The following TACR1 variants were observed in gnomAD, a reference collection of about 807,000 sequenced individuals.
TACR1 encodes substance-P receptor.
Under a neutral mutation model 35.8 loss-of-function variants are expected in TACR1, and 25 were observed. The ratio of observed to expected loss-of-function variants is 0.70; its 90% CI spans 0.51 to 0.98. The LOEUF (loss-of-function observed/expected upper bound fraction) is 0.98, where lower values mean the gene tolerates loss of function less well. TACR1 is among the 50% of genes least tolerant of loss of function. The probability of loss-of-function intolerance (pLI) is 0.00; values close to 1 mark genes in which losing one functional copy is unlikely to be tolerated. For synonymous variants in TACR1, 195 were observed against 206.7 expected (o/e 0.94, Z 0.48); for missense variants, 478 against 522.9 (o/e 0.91, Z 0.84).
At chr2:75,112,014 G>C (rs546349095) in intron 2 of TACR1, among the ~76,000 whole-genome samples, 183 of 152,128 alleles carry the variant, frequency 1.2e-3, no homozygotes, top group African/African-American at 4.2e-3. Flanking sequence ...TATCCAAGTT[G>C]TGGGCAGCGG....
intron 2 of TACR1, among the ~76,000 whole-genome samples, chr2:75,082,249 C>G (rs1673102603): frequency 6.6e-6 from 1 of 152,134 alleles, no homozygotes; most frequent in Non-Finnish European, 1.5e-5. Flanking sequence ...AGGACATGAA[C>G]TCATCCTTTT....
intron 2 of TACR1, among the ~76,000 whole-genome samples, chr2:75,095,860 T>A (rs1418636820): frequency 2.0e-5 from 3 of 152,088 alleles, no homozygotes; most frequent in Non-Finnish European, 4.4e-5. Flanking sequence ...GTGGTACAGC[T>A]ACAAGATGGC....
At chr2:75,111,073 A>G (rs1484281780) in intron 2 of TACR1, among the ~76,000 whole-genome samples, 1 of 151,946 alleles carries the variant, frequency 6.6e-6, no homozygotes, top group Non-Finnish European at 1.5e-5. Flanking sequence ...TCTTATTGAT[A>G]AGTTGCAGTC....
intron 2 of TACR1, among the ~76,000 whole-genome samples, chr2:75,067,366 G>A (rs1038711094): frequency 3.3e-5 from 5 of 152,090 alleles, no homozygotes; most frequent in South Asian, 4.1e-4. Context: ...AGTTATGGGC[G>A]AGGAACATGG....
intron 1 of TACR1, among the ~76,000 whole-genome samples, chr2:75,157,318 C>T (rs1009861223): frequency 6.6e-6 from 1 of 152,186 alleles, no homozygotes; most frequent in African/African-American, 2.4e-5. Flanking sequence ...TCCTCACCCA[C>T]CTATGGAAGC....
intron 2 of TACR1, among the ~76,000 whole-genome samples, chr2:75,099,338 T>TA (rs1673487656): frequency 1.3e-5 from 2 of 152,184 alleles, no homozygotes; most frequent in East Asian, 3.9e-4. Context: ...ATCCTGTCCA[T>TA]AAATACCATG....
chr2:75,183,167 C>T (rs1675598917), intron 1 of TACR1, among the ~76,000 whole-genome samples: 1 of 152,060 alleles, frequency 6.6e-6, no homozygotes, highest in African/African-American at 2.4e-5. Flanking sequence ...GAAAATGTGC[C>T]AAACTTGACT....
At chr2:75,113,578 G>A (rs1299453800) in intron 2 of TACR1, among the ~76,000 whole-genome samples, 1 of 61,148 alleles carries the variant, frequency 1.6e-5, no homozygotes, top group Non-Finnish European at 3.0e-5. Context: ...TCTGATTTCT[G>A]TCTGGGAGTC....
At chr2:75,053,464 A>G in intron 3 of TACR1, 141 bp downstream of exon 3, 47 of 1,062,508 alleles carry the variant, frequency 4.4e-5, no homozygotes, top group Non-Finnish European at 5.3e-5. Flanking sequence ...CTGAAGAAAG[A>G]TTCCTCTCCT....
Position 75,060,498 on chromosome 2 carries a change from G to C in TACR1, c.585-6743C>G, listed in dbSNP as rs1672649669. On this transcript the variant is annotated intron_variant, in intron 2 of 4. Transcript: ENST00000305249. ...GCAAGTGCAAAGGCATGGGGGAGGA[G>C]CCTGGCATGAGGCAGGTACTAAGAT... is the stretch of plus-strand genomic sequence containing the variant. Among the ~76,000 whole-genome samples the C allele has an allele frequency of 2.0e-5, 3 of 152,134 alleles. No homozygotes were observed. The South Asian group carries it at 6.2e-4, about 32-fold the overall frequency.
chr2:75,186,156 G>A (rs1452016353), intron 1 of TACR1, among the ~76,000 whole-genome samples: 3 of 151,620 alleles, frequency 2.0e-5, no homozygotes, highest in Non-Finnish European at 4.4e-5. Context: ...GGCGGATCAC[G>A]AGGTCAAGAG....
intron 2 of TACR1, among the ~76,000 whole-genome samples, chr2:75,108,738 T>G (rs1263697009): frequency 6.6e-6 from 1 of 152,142 alleles, no homozygotes; most frequent in Non-Finnish European, 1.5e-5. Flanking sequence ...AAAAAACAGC[T>G]TAATCATTAT....
At chr2:75,137,728 C>CAAAAAAAAAAAAAAAAAAAAAAAAA (rs11326632) in intron 1 of TACR1, among the ~76,000 whole-genome samples, 3 of 47,516 alleles carry the variant, frequency 6.3e-5, no homozygotes, top group Admixed American at 3.7e-4. Flanking sequence ...GTCTCCGTCT[C>CAAAAAAAAAAAAAAAAAAAAAAAAA]AAAAAAAAAA....
chr2:75,151,239 C>T (rs147526550), intron 1 of TACR1, among the ~76,000 whole-genome samples: 3,826 of 152,326 alleles, frequency 0.025, 164 homozygotes, highest in African/African-American at 0.086. Flanking sequence ...TGTTAATCCC[C>T]AAGACCATGG....
intron 2 of TACR1, among the ~76,000 whole-genome samples, chr2:75,097,378 G>T (rs1423260384): frequency 6.7e-6 from 1 of 148,564 alleles, no homozygotes. Flanking sequence ...TTCTTCATTA[G>T]TTTTTTTTTT....
intron 1 of TACR1, among the ~76,000 whole-genome samples, chr2:75,185,958 G>A (rs532426022): frequency 6.6e-6 from 1 of 152,238 alleles, no homozygotes; most frequent in African/African-American, 2.4e-5. Context: ...ACGATACTTT[G>A]TAACCACTTG....
intron 1 of TACR1, 36 bp from the exon 2 acceptor site, chr2:75,120,804 G>C (rs906003343): frequency 1.3e-6 from 2 of 1,509,634 alleles, no homozygotes; most frequent in Non-Finnish European, 1.8e-6. Flanking sequence ...TTCTGATCTG[G>C]TCACCAAAAT....
intron 2 of TACR1, among the ~76,000 whole-genome samples, chr2:75,080,525 A>G (rs183831900): frequency 1.3e-5 from 2 of 152,170 alleles, no homozygotes. Context: ...TGAATTGCCC[A>G]TTATATAAGA....
intron 2 of TACR1, among the ~76,000 whole-genome samples, chr2:75,056,843 T>C (rs1249814986): frequency 6.6e-6 from 1 of 152,192 alleles, no homozygotes; most frequent in Non-Finnish European, 1.5e-5. Flanking sequence ...GTCAGGAGCA[T>C]TGGTTTTTCC....
Sources: allele counts gnomAD v4.1 joint callset (sites outside exome capture counted in the v4.1 genomes callset), GRCh38; gene constraint gnomAD v4.1.1; transcripts MANE v1.5; gene names NCBI Gene and HGNC (gene_info 2026-07-23, HGNC 2026-07-21).